GRXCR2: variants seen among roughly 807,000 people sequenced by gnomAD.
GRXCR2 encodes glutaredoxin and cysteine rich domain containing 2.
Under a neutral mutation model 24.8 loss-of-function variants are expected in GRXCR2, and 23 were observed. That is an observed-to-expected ratio of 0.93 (90% confidence interval 0.67 to 1.32). The LOEUF is 1.32. GRXCR2 is among the 40% of genes most tolerant of loss of function. GRXCR2 has a pLI of 0.00. For synonymous variants in GRXCR2, 130 were observed against 116.1 expected, an observed-to-expected ratio of 1.12 and a Z score of -0.77; for missense variants, 315 against 303.4, an observed-to-expected ratio of 1.04 and a Z score of -0.28.
intron 2 of GRXCR2, among the ~76,000 whole-genome samples, chr5:145,914,948 A>T (rs13185504): frequency 0.046 from 7,039 of 152,266 alleles, 273 homozygotes; most frequent in African/African-American, 0.095. Context: ...TTTCAAAGAG[A>T]GGCGTGGGGA....
chr5:145,897,859 A>T (rs1326513399), intron 2 of GRXCR2, among the ~76,000 whole-genome samples: 1 of 152,140 alleles, frequency 6.6e-6, no homozygotes, highest in Non-Finnish European at 1.5e-5. Flanking sequence ...TGCCTACTCA[A>T]AAAGTTAGAA....
chr5:145,865,478 T>A (rs569573633), intron 2 of GRXCR2, among the ~76,000 whole-genome samples: 7 of 152,186 alleles, frequency 4.6e-5, no homozygotes, highest in Non-Finnish European at 8.8e-5. Context: ...TATCTACAAT[T>A]AGGCAGATAT....
intron 2 of GRXCR2, among the ~76,000 whole-genome samples, chr5:145,915,484 G>A (rs2149926887): frequency 6.6e-6 from 1 of 152,166 alleles, no homozygotes; most frequent in Middle Eastern, 3.4e-3. Context: ...GAATCCTGCT[G>A]GTTACAAACG....
At chr5:145,926,623 T>TA (rs894687688) in intron 2 of GRXCR2, among the ~76,000 whole-genome samples, 4 of 152,206 alleles carry the variant, frequency 2.6e-5, no homozygotes, top group African/African-American at 9.6e-5. Flanking sequence ...CTGTTTTGGT[T>TA]ACTGTAGCCT....
At chr5:145,908,621 T>C (rs1051043352) in intron 2 of GRXCR2, among the ~76,000 whole-genome samples, 3 of 152,142 alleles carry the variant, frequency 2.0e-5, no homozygotes, top group African/African-American at 7.2e-5. Flanking sequence ...GCAAATTCAG[T>C]GTGTATTTCT....
At chr5:145,896,882 G>C (rs1229189040) in intron 2 of GRXCR2, among the ~76,000 whole-genome samples, 5 of 151,938 alleles carry the variant, frequency 3.3e-5, no homozygotes, top group South Asian at 2.1e-4. Flanking sequence ...TTGGAACCAA[G>C]CCAAATGTCC....
intron 2 of GRXCR2, among the ~76,000 whole-genome samples, chr5:145,865,481 G>A (rs1327567378): frequency 1.3e-5 from 2 of 152,098 alleles, no homozygotes; most frequent in East Asian, 3.9e-4. Flanking sequence ...CTACAATTAG[G>A]CAGATATTAA....
At chr5:145,907,920 G>A (rs769902951) in intron 2 of GRXCR2, among the ~76,000 whole-genome samples, 4 of 152,144 alleles carry the variant, frequency 2.6e-5, no homozygotes, top group East Asian at 1.9e-4. Context: ...TAGATTTGAG[G>A]TGCCTGCTAG....
At chr5:145,897,115 C>T (rs1418083777) in intron 2 of GRXCR2, among the ~76,000 whole-genome samples, 1 of 125,322 alleles carries the variant, frequency 8.0e-6, no homozygotes, top group Non-Finnish European at 1.6e-5. Flanking sequence ...AGGGGAACAT[C>T]ATACACTGGG....
rs1452539369 is a variant in GRXCR2 at position 145,858,976 on chromosome 5, G to C, written c.*757C>G. The C allele has an allele frequency of 6.6e-6, 1 of 152,110 alleles. No individual in the cohort carries two copies. The highest frequency in any genetic ancestry group is 1.5e-5 in the Non-Finnish European group (1 of 68,022). The allele number at this position is 152,110 out of a possible 1,614,324, so 9.4% of individuals were successfully genotyped here. ...TTATTTATTTGGTAGTAATTCAGGG[G>C]CTCGAAGAAGTTATATCATACACAC... is the stretch of plus-strand genomic sequence containing the variant. On this transcript the variant is annotated 3_prime_UTR_variant, in exon 3 of 3. Transcript: ENST00000377976.
At chr5:145,909,113 T>G (rs1358634963) in intron 2 of GRXCR2, among the ~76,000 whole-genome samples, 1 of 152,172 alleles carries the variant, frequency 6.6e-6, no homozygotes, top group Admixed American at 6.5e-5. Flanking sequence ...AAAAAATAAA[T>G]GAGCTATTAT....
intron 2 of GRXCR2, among the ~76,000 whole-genome samples, chr5:145,917,410 A>G (rs914192586): frequency 6.6e-6 from 1 of 152,128 alleles, no homozygotes; most frequent in Non-Finnish European, 1.5e-5. Context: ...AATGAGAGTA[A>G]GTGTGCAGAA....
chr5:145,896,304 C>T (rs2149920989), intron 2 of GRXCR2, among the ~76,000 whole-genome samples: 1 of 152,284 alleles, frequency 6.6e-6, no homozygotes. Context: ...AACTGAAGAG[C>T]TTCTGCACAG....
At chr5:145,873,871 C>A (rs1216321024), upstream of GRXCR2, among the ~76,000 whole-genome samples, 4 of 152,212 alleles carry the variant, frequency 2.6e-5, no homozygotes, top group Admixed American at 2.6e-4. Flanking sequence ...AGCATGTGAC[C>A]TGGGCCTGAG....
At chr5:145,910,771 A>G (rs1283361635) in intron 2 of GRXCR2, among the ~76,000 whole-genome samples, 2 of 152,174 alleles carry the variant, frequency 1.3e-5, no homozygotes, top group Admixed American at 6.6e-5. Flanking sequence ...GAGGAAATCT[A>G]CTTTAGATGA....
At chr5:145,918,185 A>G (rs1330943743) in intron 2 of GRXCR2, among the ~76,000 whole-genome samples, 2 of 152,204 alleles carry the variant, frequency 1.3e-5, no homozygotes, top group Non-Finnish European at 2.9e-5. Context: ...GTTATTAGCC[A>G]TGACAAACTC....
chr5:145,876,202 T>C (rs1378740285), upstream of GRXCR2, among the ~76,000 whole-genome samples: 1 of 140,860 alleles, frequency 7.1e-6, no homozygotes, highest in Non-Finnish European at 1.5e-5. Flanking sequence ...TATATATATA[T>C]ATATATATAT....
At chr5:145,887,633 C>T (rs745463632) in intron 2 of GRXCR2, among the ~76,000 whole-genome samples, 5 of 152,172 alleles carry the variant, frequency 3.3e-5, no homozygotes, top group Non-Finnish European at 5.9e-5. Context: ...TTATCTGTGC[C>T]TAGAACATAG....
intron 2 of GRXCR2, among the ~76,000 whole-genome samples, chr5:145,896,175 A>C (rs1044756413): frequency 3.9e-5 from 6 of 152,146 alleles, no homozygotes; most frequent in African/African-American, 9.7e-5. Flanking sequence ...AAACCATAAA[A>C]ACCCTAGAAG....
Sources: gnomAD v4.1 joint callset for allele counts (sites outside exome capture counted in the v4.1 genomes callset) on GRCh38, gnomAD v4.1.1 for gene constraint, MANE v1.5 for transcripts, NCBI Gene and HGNC (gene_info 2026-07-23, HGNC 2026-07-21) for gene names.